XRCC5: variants seen among roughly 807,000 people sequenced by gnomAD.
The protein encoded by XRCC5 is X-ray repair cross complementing 5, also known as DNA repair protein Ku80.
A neutral mutation model predicts 95.7 loss-of-function variants in XRCC5; 12 were observed. The ratio of observed to expected loss-of-function variants is 0.13; its 90% CI spans 0.08 to 0.20. The LOEUF (loss-of-function observed/expected upper bound fraction) is 0.20, where lower values mean the gene tolerates loss of function less well. Among genes scored for constraint, XRCC5 ranks in the 10% least tolerant of loss-of-function variants. The pLI is 1.00. For synonymous variants in XRCC5, 281 were observed against 290.3 expected (o/e 0.97, Z 0.33); for missense variants, 595 against 873.9 (o/e 0.68, Z 4.02).
chr2:216,109,705 T>A lies in XRCC5; in HGVS notation c.21+248T>A, dbSNP rs41296900. ...TTCCATTACCCACCCATCCCATCCC[T>A]CTTCTCCCTCTCTACCTGCTCTTTG... is the stretch of plus-strand genomic sequence containing the variant. On this transcript the variant is annotated intron_variant, in intron 1 of 20. Transcript: ENST00000392132. 6.7e-4 allele frequency among the ~76,000 whole-genome samples: 63 copies of A among 93,666 alleles called. 1 individual carries two copies. Among genetic ancestry groups the A allele is most frequent in the African/African-American group, 2.5e-3 (58 of 23,514 alleles). 61.4% of individuals were successfully genotyped at this position (93,666 alleles called of 152,430 possible). A position where few individuals can be genotyped will look rare whatever the true frequency, so the allele number is the denominator to read the frequency against.
At chr2:216,189,851 T>C (rs1689581648) in intron 16 of XRCC5, among the ~76,000 whole-genome samples, 1 of 152,136 alleles carries the variant, frequency 6.6e-6, no homozygotes, top group African/African-American at 2.4e-5. Flanking sequence ...GTGAATACAA[T>C]AGGAAAGGCA....
chr2:216,196,692 G>C (rs1689728861), intron 19 of XRCC5, among the ~76,000 whole-genome samples: 1 of 152,148 alleles, frequency 6.6e-6, no homozygotes, highest in Non-Finnish European at 1.5e-5. Context: ...AGAAACCTCA[G>C]CTTTTGCTCT....
intron 11 of XRCC5, among the ~76,000 whole-genome samples, chr2:216,137,460 A>C (rs1377481695): frequency 6.6e-6 from 1 of 152,004 alleles, no homozygotes; most frequent in Non-Finnish European, 1.5e-5. Flanking sequence ...AAATAATATA[A>C]GAATCTTTTA....
intron 16 of XRCC5, among the ~76,000 whole-genome samples, chr2:216,184,785 G>A (rs1689463699): frequency 6.6e-6 from 1 of 152,214 alleles, no homozygotes; most frequent in Non-Finnish European, 1.5e-5. Context: ...CCAGCCTGAT[G>A]CCTTGCATTT....
chr2:216,149,099 A>C (rs1028842582), intron 14 of XRCC5, among the ~76,000 whole-genome samples: 2 of 151,564 alleles, frequency 1.3e-5, no homozygotes, highest in Non-Finnish European at 2.9e-5. Context: ...TTTTTATTTG[A>C]TTTTTCTCTC....
chr2:216,201,856 T>C (rs1005991091), intron 19 of XRCC5, among the ~76,000 whole-genome samples: 2 of 152,126 alleles, frequency 1.3e-5, no homozygotes, highest in African/African-American at 4.8e-5. Flanking sequence ...TGAGGAGTGA[T>C]ATGTGGAAGA....
At chr2:216,118,915 G>C in intron 4 of XRCC5, 128 bp from the exon 5 acceptor site, 1 of 988,036 alleles carries the variant, frequency 1.0e-6, no homozygotes, top group South Asian at 1.6e-5. Flanking sequence ...TGGACTACTA[G>C]AATGTAATCA....
At chr2:216,125,273 CCG>C (rs1173592244) in intron 6 of XRCC5, among the ~76,000 whole-genome samples, 2 of 151,708 alleles carry the variant, frequency 1.3e-5, no homozygotes, top group African/African-American at 4.8e-5. Context: ...TCTCAGCTCA[CCG>C]CAACCTCCGC....
chr2:216,138,329 G>T, intron 12 of XRCC5, 150 bp downstream of exon 12: 1 of 709,146 alleles, frequency 1.4e-6, no homozygotes, highest in Non-Finnish European at 2.4e-6. Context: ...AATGATGAAG[G>T]TGGTTTACTT....
chr2:216,183,353 G>A (rs1025861453), intron 16 of XRCC5, among the ~76,000 whole-genome samples: 6 of 152,056 alleles, frequency 3.9e-5, no homozygotes, highest in Non-Finnish European at 8.8e-5. Flanking sequence ...TAAAAAAGGG[G>A]GGAAACACCC....
chr2:216,167,586 G>T (rs75430062), intron 16 of XRCC5, among the ~76,000 whole-genome samples: 2 of 87,938 alleles, frequency 2.3e-5, no homozygotes, highest in South Asian at 5.8e-4. Flanking sequence ...GTGTGTGTGT[G>T]TGTGTGTGTG....
Position 216,137,193 on chromosome 2 carries a change from G to T in XRCC5, c.1219G>T (p.Val407Leu). The part of the protein sequence containing the change: ...YDKRANPQVG[V>L]AFPHIKHNYE... ...CAAAAGAGCTAATCCTCAAGTCGGC[G>T]TGGCTTTTCCTCATATCAAGCATAA... Residue 407 changes from valine (V) to leucine (L), a missense_variant, in exon 11 of 21, where the codon GTG becomes TTG. Val to Leu is a conservative substitution (Grantham distance 32, BLOSUM62 1). Transcript: ENST00000392132. 6.2e-7 allele frequency: 1 copy of T among 1,613,492 alleles called. No homozygotes were observed. The highest frequency in any genetic ancestry group is 8.5e-7 in the Non-Finnish European group (1 of 1,179,634).
At position 216,164,343 on chromosome 2, in the gene XRCC5, C is replaced by A. The variant is rs187129715; in HGVS notation, c.1834+2295C>A. 3.3e-5 allele frequency among the ~76,000 whole-genome samples: 5 copies of A among 152,320 alleles called. No individual in the cohort carries two copies. In the East Asian group the frequency reaches 9.6e-4, roughly 29 times the overall value. On this transcript the variant is annotated intron_variant, in intron 16 of 20. Transcript: ENST00000392132. ...CAGGGACTGAATCTAGCTGTCATCA[C>A]CATTATATGGTAGCCACTAGCGGTT...
At position 216,138,129 on chromosome 2, in the gene XRCC5, G is replaced by A. The variant is rs1246513413; in HGVS notation, c.1292G>A (p.Arg431Gln). 1 of 1,613,268 alleles carries A rather than the reference G, an allele frequency of 6.2e-7. No individual in the cohort carries two copies. Among genetic ancestry groups the A allele is most frequent in the Non-Finnish European group, 8.5e-7 (1 of 1,179,916 alleles). Residue 431 changes from arginine to glutamine, a missense_variant, in exon 12 of 21, where the codon CGG becomes CAG. By Grantham distance (43) the Arg-to-Gln change is conservative (BLOSUM62 1). Coordinates refer to ENST00000392132, the MANE Select transcript of XRCC5 (RefSeq NM_021141.4). ...YVQLPFMEDL[R>Q]QYMFSSLKNS... ...CAGCTGCCTTTCATGGAAGACTTGC[G>A]GCAATACATGTTTTCATCCTTGAAA...
At chr2:216,131,593 A>T (rs1054229916) in intron 9 of XRCC5, among the ~76,000 whole-genome samples, 1 of 152,058 alleles carries the variant, frequency 6.6e-6, no homozygotes, top group Non-Finnish European at 1.5e-5. Flanking sequence ...GGGGGGAGAG[A>T]CATGCAGTAC....
At chr2:216,164,804 C>T (rs1001620054) in intron 16 of XRCC5, among the ~76,000 whole-genome samples, 2 of 151,648 alleles carry the variant, frequency 1.3e-5, no homozygotes, top group Non-Finnish European at 2.9e-5. Flanking sequence ...GGTTTAAGTG[C>T]TGTATTTGGG....
chr2:216,170,399 C>T (rs553002315), intron 16 of XRCC5, among the ~76,000 whole-genome samples: 32 of 152,152 alleles, frequency 2.1e-4, no homozygotes, highest in Middle Eastern at 3.4e-3. Context: ...TTCATGAAGG[C>T]TTTCTCAGCA....
intron 6 of XRCC5, 114 bp from the exon 7 acceptor site, chr2:216,125,801 TTC>T: frequency 1.2e-6 from 1 of 802,128 alleles, no homozygotes; most frequent in Non-Finnish European, 2.0e-6. Flanking sequence ...CTCCTGCTGT[TTC>T]TCTCTTTATA....
intron 19 of XRCC5, among the ~76,000 whole-genome samples, chr2:216,202,772 G>T (rs561665282): frequency 2.0e-5 from 3 of 152,212 alleles, no homozygotes; most frequent in Non-Finnish European, 4.4e-5. Context: ...AAAAGTCCAA[G>T]AGAGTGGTTG....
Sources: gnomAD v4.1 joint callset for allele counts (sites outside exome capture counted in the v4.1 genomes callset) on GRCh38, gnomAD v4.1.1 for gene constraint, MANE v1.5 for transcripts, NCBI Gene and HGNC (gene_info 2026-07-23, HGNC 2026-07-21) for gene names.